Variants in DYNC1LI1 observed in about 807,000 individuals in gnomAD.
DYNC1LI1 encodes cytoplasmic dynein 1 light intermediate chain 1.
DYNC1LI1 carries 19 observed loss-of-function variants against 63.8 expected under a neutral mutation model. That is an observed-to-expected ratio of 0.30 (90% CI 0.21 to 0.44). The LOEUF (loss-of-function observed/expected upper bound fraction) is 0.44. Ranked by LOEUF, DYNC1LI1 falls within the 20% of genes least tolerant of loss-of-function variation. The probability of loss-of-function intolerance (pLI) is 1.00; values close to 1 mark genes in which losing one functional copy is unlikely to be tolerated. For synonymous variants in DYNC1LI1, 225 were observed against 232.3 expected (o/e 0.97, Z 0.28); for missense variants, 565 against 630.2 (o/e 0.90, Z 1.11).
chr3:32,570,729 CGGA>C lies in DYNC1LI1; in HGVS notation c.39_41del (p.Pro15del), dbSNP rs774459572. On this transcript the variant is annotated inframe_deletion, in exon 1 of 13. Coordinates refer to ENST00000273130, the MANE Select transcript of DYNC1LI1 (RefSeq NM_016141.4). ...CAGTGTAAGTCGAGGATAATCCCGG[CGGA>C]GAAGAACCGAAGGAGCCGACTCGCC... The C allele has an allele frequency of 1.9e-6, 3 of 1,608,100 alleles. No individual in the cohort carries two copies. In the South Asian group the frequency reaches 3.3e-5, roughly 18 times the overall value.
intron 2 of DYNC1LI1, among the ~76,000 whole-genome samples, chr3:32,562,098 C>T (rs1198608913): frequency 6.6e-6 from 1 of 152,026 alleles, no homozygotes. Context: ...CATAGTGAGA[C>T]TCCCATCTCT....
chr3:32,529,586 C>A lies in DYNC1LI1; in HGVS notation c.1260G>T (p.Val420=). The A allele has an allele frequency of 6.2e-7, 1 of 1,609,386 alleles. No homozygotes were observed. Among genetic ancestry groups the A allele is most frequent in the Non-Finnish European group, 8.5e-7 (1 of 1,177,982 alleles). ...NRSVSSNVAS[V]SPIPAGSKKI... is the part of the protein sequence containing the mutation. ...TTTTTGACCCAGCAGGAATGGGTGA[C>A]ACGCTGGCAACATTAGATGATACAG... is the stretch of plus-strand genomic sequence containing the variant. Residue 420 remains valine (V), a synonymous_variant, in exon 11 of 13, where the codon GTG becomes GTT. Transcript: ENST00000273130.
chr3:32,570,741 G>T lies in DYNC1LI1; in HGVS notation c.30C>A (p.Phe10Leu). 6.2e-7 allele frequency: 1 copy of T among 1,607,066 alleles called. No individual in the cohort carries two copies. The highest frequency in any genetic ancestry group is 1.3e-5 in the African/African-American group (1 of 74,094). Residue 10 changes from phenylalanine (F) to leucine (L), a missense_variant, in exon 1 of 13, where the codon TTC (phenylalanine) becomes TTA (leucine). Transcript: ENST00000273130. MAAVGRVGSFGSSPPGLSST... is the reference protein window; with the variant it reads MAAVGRVGSLGSSPPGLSST... ...AGGATAATCCCGGCGGAGAAGAACC[G>T]AAGGAGCCGACTCGCCCCACGGCCG...
chr3:32,546,010 A>AT (rs774817428), intron 2 of DYNC1LI1, 45 bp from the exon 3 acceptor site: 1 of 1,330,772 alleles, frequency 7.5e-7, no homozygotes, highest in South Asian at 1.2e-5. Flanking sequence ...TATAACACCG[A>AT]TTATTTAAGG....
At chr3:32,542,678 T>G (rs1175052457) in intron 4 of DYNC1LI1, among the ~76,000 whole-genome samples, 1 of 152,108 alleles carries the variant, frequency 6.6e-6, no homozygotes, top group East Asian at 1.9e-4. Context: ...GTGTTGGGAT[T>G]ACAGGCGTGA....
rs1341060935 is a variant in DYNC1LI1 at position 32,566,403 on chromosome 3, T to C, written c.220+3943A>G. ...TTATTTTCCTTAGGGAGTTTTCTTA[T>C]CAAAACATGGGAAAGTAATCAATAT... On this transcript the variant is annotated intron_variant, in intron 2 of 12. Coordinates refer to ENST00000273130, the MANE Select transcript of DYNC1LI1 (RefSeq NM_016141.4). Among the ~76,000 whole-genome samples the C allele has an allele frequency of 2.0e-5, 3 of 152,168 alleles. No homozygotes were observed. In the East Asian group the frequency reaches 5.8e-4, roughly 29 times the overall value.
chr3:32,532,841 C>T (rs1168818342), intron 8 of DYNC1LI1, 145 bp downstream of exon 8: 2 of 1,324,410 alleles, frequency 1.5e-6, no homozygotes, highest in African/African-American at 1.5e-5. Context: ...GTAAACTGTA[C>T]ATTAGAAACA....
chr3:32,554,536 G>C lies in DYNC1LI1; in HGVS notation c.221-8571C>G, dbSNP rs187905776. Among the ~76,000 whole-genome samples, 8 of 152,174 alleles carry C rather than the reference G, an allele frequency of 5.3e-5. No homozygotes were observed. In the East Asian group the frequency reaches 1.3e-3, roughly 26 times the overall value. On this transcript the variant is annotated intron_variant, in intron 2 of 12. Coordinates refer to ENST00000273130, the MANE Select transcript of DYNC1LI1 (RefSeq NM_016141.4). ...ATAAATCCCCTCTTCTTACAAATGGGGAAACTGAGGCCAAGGCTACAGTCA... is the reference window on the plus strand; with the variant it reads ...ATAAATCCCCTCTTCTTACAAATGGCGAAACTGAGGCCAAGGCTACAGTCA...
intron 4 of DYNC1LI1, 103 bp downstream of exon 4, chr3:32,544,773 C>G: frequency 1.3e-6 from 1 of 765,282 alleles, no homozygotes; most frequent in Admixed American, 2.6e-5. Context: ...TTACAATATG[C>G]TTACTTCATT....
intron 2 of DYNC1LI1, among the ~76,000 whole-genome samples, chr3:32,561,965 T>C (rs1023672651): frequency 6.6e-6 from 1 of 151,928 alleles, no homozygotes; most frequent in Non-Finnish European, 1.5e-5. Flanking sequence ...GAAAAAAATA[T>C]TCACATAGAG....
At chr3:32,535,150 AAGGTGAGCCAGC>A (rs1318726156) in intron 6 of DYNC1LI1, among the ~76,000 whole-genome samples, 1 of 152,210 alleles carries the variant, frequency 6.6e-6, no homozygotes, top group Non-Finnish European at 1.5e-5. Flanking sequence ...CCAATGTTGA[AAGGTGAGCCAGC>A]AGGTACCAAT....
chr3:32,529,441 C>A (rs902641180), intron 11 of DYNC1LI1, 99 bp downstream of exon 11: 1 of 1,194,334 alleles, frequency 8.4e-7, no homozygotes, highest in Non-Finnish European at 1.1e-6. Flanking sequence ...AAAGGTATTA[C>A]ACAAGAATGA....
At chr3:32,546,662 G>T (rs1265249068) in intron 2 of DYNC1LI1, among the ~76,000 whole-genome samples, 1 of 152,066 alleles carries the variant, frequency 6.6e-6, no homozygotes, top group South Asian at 2.1e-4. Flanking sequence ...CTCTTAATTG[G>T]CCCAGTTTGA....
intron 2 of DYNC1LI1, among the ~76,000 whole-genome samples, chr3:32,547,168 G>A (rs1332048405): frequency 3.9e-5 from 6 of 152,106 alleles, no homozygotes; most frequent in South Asian, 2.1e-4. Context: ...GCTTGAATCC[G>A]GGAGGTAGAG....
At chr3:32,565,990 C>T (rs115611918) in intron 2 of DYNC1LI1, among the ~76,000 whole-genome samples, 290 of 152,198 alleles carry the variant, frequency 1.9e-3, no homozygotes, top group African/African-American at 6.0e-3. Flanking sequence ...TGTTTCTGGC[C>T]GGGTGTGGTA....
At chr3:32,535,458 A>C (rs1454993983) in intron 6 of DYNC1LI1, among the ~76,000 whole-genome samples, 2 of 152,224 alleles carry the variant, frequency 1.3e-5, no homozygotes, top group Non-Finnish European at 2.9e-5. Context: ...CTGGGAGTAC[A>C]GTCTAACTTC....
chr3:32,527,892 G>A (rs1166755779), intron 12 of DYNC1LI1, among the ~76,000 whole-genome samples: 1 of 151,666 alleles, frequency 6.6e-6, no homozygotes, highest in Admixed American at 6.6e-5. Flanking sequence ...AGGCTGAGGT[G>A]GGAGGATCAC....
At chr3:32,538,308 T>G (rs1331893039) in intron 5 of DYNC1LI1, among the ~76,000 whole-genome samples, 1 of 150,376 alleles carries the variant, frequency 6.6e-6, no homozygotes, top group Non-Finnish European at 1.5e-5. Flanking sequence ...CATTGCCCAT[T>G]TTATCAAATA....
At position 32,537,953 on chromosome 3, in the gene DYNC1LI1, A is replaced by ATATAATT; in HGVS notation, c.739-850_739-849insAATTATA. Among the ~76,000 whole-genome samples the ATATAATT allele has an allele frequency of 4.5e-4, 2 of 4,420 alleles. 1 individual carries two copies. Among genetic ancestry groups the ATATAATT allele is most frequent in the African/African-American group, 1.5e-3 (2 of 1,324 alleles). The allele number at this position is 4,420 out of a possible 152,430, so 2.9% of individuals were successfully genotyped here. On this transcript the variant is annotated intron_variant, in intron 5 of 12. Coordinates refer to ENST00000273130, the MANE Select transcript of DYNC1LI1 (RefSeq NM_016141.4). ...TATATATATAATATATATATAATTTATATATATAATATATATATATTTATA... is the reference window on the plus strand; with the variant it reads ...TATATATATAATATATATATAATTTATATAATTTATATATAATATATATATATTTATA...
Sources: allele counts gnomAD v4.1 joint callset (sites outside exome capture counted in the v4.1 genomes callset), GRCh38; gene constraint gnomAD v4.1.1; transcripts MANE v1.5; gene names NCBI Gene and HGNC (gene_info 2026-07-23, HGNC 2026-07-21).